Variants in MED13L observed in about 807,000 individuals in gnomAD.
MED13L encodes mediator of RNA polymerase II transcription subunit 13-like.
In MED13L, 7 loss-of-function variants were observed where a neutral mutation model predicts 220.9. The observed-to-expected ratio is 0.03, with a 90% CI of 0.02 to 0.06. The LOEUF is 0.06. Among genes scored for constraint, MED13L ranks in the 10% least tolerant of loss-of-function variants. The pLI, the probability that MED13L is intolerant of heterozygous loss-of-function variation, is 1.00. For synonymous variants in MED13L, 1,011 were observed against 1,015.2 expected, an observed-to-expected ratio of 1.00 and a Z score of 0.08; for missense variants, 1,965 against 2,760.5, an observed-to-expected ratio of 0.71 and a Z score of 6.46.
At chr12:116,246,531 G>A (rs1871108899) in intron 1 of MED13L, among the ~76,000 whole-genome samples, 1 of 150,976 alleles carries the variant, frequency 6.6e-6, no homozygotes, top group Non-Finnish European at 1.5e-5. Flanking sequence ...AAAGTAAGCA[G>A]GCTGGGCCCT....
chr12:116,041,330 A>T (rs1881513324), intron 4 of MED13L, among the ~76,000 whole-genome samples: 1 of 152,144 alleles, frequency 6.6e-6, no homozygotes, highest in Non-Finnish European at 1.5e-5. Context: ...CACGATTGTA[A>T]GTCTCCTGAG....
At chr12:116,225,811 A>G (rs1868925217) in intron 2 of MED13L, among the ~76,000 whole-genome samples, 3 of 152,182 alleles carry the variant, frequency 2.0e-5, no homozygotes, top group African/African-American at 7.2e-5. Flanking sequence ...TTCCACAAAT[A>G]TTTACTTTTT....
In MED13L at chr12:115,982,726, G is replaced by C. The variant is rs1010893033; in HGVS notation, c.4956-123C>G. 3 of 946,830 alleles carry C rather than the reference G, an allele frequency of 3.2e-6. No homozygotes were observed. In the African/African-American group the frequency reaches 4.9e-5, roughly 15 times the overall value. The allele number at this position is 946,830 out of a possible 1,614,324, so 58.7% of individuals were successfully genotyped here. On this transcript the variant is annotated intron_variant, in intron 21 of 30. Coordinates refer to ENST00000281928, the MANE Select transcript of MED13L (RefSeq NM_015335.5). ...AAGAATGTTTACAGATTAAAGGTAA[G>C]AGTAACATTTATCACCTTACCAAAA...
chr12:116,119,836 AAAATAT>A (rs1474404131), intron 2 of MED13L, among the ~76,000 whole-genome samples: 27 of 72,340 alleles, frequency 3.7e-4, no homozygotes, highest in Non-Finnish European at 6.2e-4. Flanking sequence ...AAAAAAAAAA[AAAATAT>A]ATATATATAT....
At chr12:116,276,543 T>C (rs1873854060) in intron 1 of MED13L, 5 of 1,264,800 alleles carry the variant, frequency 4.0e-6, no homozygotes, top group Non-Finnish European at 5.1e-6. Flanking sequence ...AGTCCTTTCC[T>C]GACACAATCG....
At chr12:115,973,237 T>C (rs1476868875) in intron 25 of MED13L, among the ~76,000 whole-genome samples, 1 of 152,190 alleles carries the variant, frequency 6.6e-6, no homozygotes, top group Non-Finnish European at 1.5e-5. Context: ...GCAGTGTGTA[T>C]TTCATCATAA....
intron 3 of MED13L, among the ~76,000 whole-genome samples, chr12:116,106,770 C>T (rs1170222550): frequency 2.0e-5 from 3 of 151,026 alleles, no homozygotes; most frequent in East Asian, 1.9e-4. Context: ...CGCTTGAAAC[C>T]GAGAGGCAGA....
chr12:116,033,083 GTT>G (rs1276941814), intron 4 of MED13L, among the ~76,000 whole-genome samples: 1 of 147,036 alleles, frequency 6.8e-6, no homozygotes, highest in South Asian at 2.2e-4. Context: ...ATTGGGTTTT[GTT>G]TTTTTAAAAA....
At chr12:116,071,844 A>G (rs1406624132) in intron 4 of MED13L, among the ~76,000 whole-genome samples, 2 of 152,142 alleles carry the variant, frequency 1.3e-5, no homozygotes, top group African/African-American at 2.4e-5. Flanking sequence ...TCAAACTACT[A>G]TTACAACATT....
chr12:116,034,896 T>A (rs1283584072), intron 4 of MED13L, among the ~76,000 whole-genome samples: 1 of 152,132 alleles, frequency 6.6e-6, no homozygotes, highest in East Asian at 1.9e-4. Flanking sequence ...TCCCAGATAC[T>A]CGGGAGGCTG....
intron 8 of MED13L, among the ~76,000 whole-genome samples, chr12:116,014,066 A>G (rs1302875510): frequency 6.6e-6 from 1 of 152,244 alleles, no homozygotes. Context: ...GTGACTAGAG[A>G]TAACTTTTTA....
chr12:116,097,869 C>T (rs1475045600), intron 3 of MED13L, among the ~76,000 whole-genome samples: 2 of 152,200 alleles, frequency 1.3e-5, no homozygotes, highest in Non-Finnish European at 2.9e-5. Flanking sequence ...CACTCATGTG[C>T]AGGCAAATGA....
At chr12:116,079,418 G>T (rs1454030454) in intron 4 of MED13L, among the ~76,000 whole-genome samples, 1 of 151,966 alleles carries the variant, frequency 6.6e-6, no homozygotes. Context: ...GGGAGGGGGG[G>T]TCTCACTATA....
At chr12:116,044,492 G>A (rs1424777215) in intron 4 of MED13L, among the ~76,000 whole-genome samples, 1 of 152,130 alleles carries the variant, frequency 6.6e-6, no homozygotes, top group Non-Finnish European at 1.5e-5. Context: ...GTGGGAAGAA[G>A]AGTGAAAAAA....
intron 1 of MED13L, among the ~76,000 whole-genome samples, chr12:116,263,325 G>C (rs1031609388): frequency 2.0e-5 from 3 of 151,972 alleles, no homozygotes; most frequent in Non-Finnish European, 4.4e-5. Flanking sequence ...ACCAAAAAAA[G>C]TAAAACTGAC....
chr12:116,008,871 G>A lies in MED13L; in HGVS notation c.1542C>T (p.Asp514=). 1 of 1,614,130 alleles carries A rather than the reference G, an allele frequency of 6.2e-7. No individual in the cohort carries two copies. Among genetic ancestry groups the A allele is most frequent in the Non-Finnish European group, 8.5e-7 (1 of 1,180,012 alleles). ...PGQKLGLAGI[D]SSLEVSSSRK... is the part of the protein sequence containing the mutation. The stretch of plus-strand genomic sequence containing the variant: ...TACTGCTAGACACCTCTAAGGAGGA[G>A]TCTATCCCTGCCAACCCTAGTTTCT... Residue 514 remains aspartate (D), a synonymous_variant, in exon 10 of 31, where the codon GAC becomes GAT. Transcript: ENST00000281928.
At chr12:116,026,414 G>A (rs1355839169) in intron 4 of MED13L, among the ~76,000 whole-genome samples, 1 of 152,114 alleles carries the variant, frequency 6.6e-6, no homozygotes, top group Non-Finnish European at 1.5e-5. Context: ...AAAAATAGAA[G>A]TTATAGTGGA....
At chr12:116,240,334 C>T (rs945380981) in intron 1 of MED13L, among the ~76,000 whole-genome samples, 3 of 151,940 alleles carry the variant, frequency 2.0e-5, no homozygotes, top group Admixed American at 1.3e-4. Flanking sequence ...TAACCTCAAG[C>T]GGTCCACCCA....
chr12:116,241,621 AG>A (rs1870664441), intron 1 of MED13L, among the ~76,000 whole-genome samples: 2 of 152,322 alleles, frequency 1.3e-5, no homozygotes, highest in Non-Finnish European at 1.5e-5. Context: ...TCAGTGGCAA[AG>A]GGAAGCTGCT....
Sources: allele counts gnomAD v4.1 joint callset (sites outside exome capture counted in the v4.1 genomes callset), GRCh38; gene constraint gnomAD v4.1.1; transcripts MANE v1.5; gene names NCBI Gene and HGNC (gene_info 2026-07-23, HGNC 2026-07-21).